The following AGO3 variants were observed in gnomAD, a reference collection of about 807,000 sequenced individuals.
The protein encoded by AGO3 is protein argonaute-3.
AGO3 carries 16 observed loss-of-function variants against 105.5 expected under a neutral mutation model. The ratio of observed to expected loss-of-function variants is 0.15; its 90% CI spans 0.10 to 0.23. AGO3 has a LOEUF of 0.23. AGO3 is among the 10% of genes least tolerant of loss of function. The pLI is 1.00. For missense variants in AGO3, 534 were observed against 1,088.0 expected (o/e 0.49, Z 7.16); for synonymous variants, 340 against 367.3 (o/e 0.93, Z 0.85).
At position 36,071,279 on chromosome 1, in the gene AGO3, A is replaced by G. The variant is rs1395607109; in HGVS notation, c.*15534A>G. The G allele has an allele frequency of 6.6e-6, 1 of 152,232 alleles. No homozygotes were observed. The highest frequency in any genetic ancestry group is 2.4e-5 in the African/African-American group (1 of 41,458). 9.4% of individuals were successfully genotyped at this position (152,232 alleles called of 1,614,324 possible). ...CATTCTTTTAAAAGGGGCTTTTCTG[A>G]AGAGTAAAATGTAAATACAGGACAT... is the stretch of plus-strand genomic sequence containing the variant. On this transcript the variant is annotated 3_prime_UTR_variant, in exon 19 of 19. Transcript: ENST00000373191.
At chr1:36,005,960 C>A in intron 6 of AGO3, 1 of 930,542 alleles carries the variant, frequency 1.1e-6, no homozygotes, top group South Asian at 5.0e-5. Context: ...TTATCTAGTC[C>A]ACTTTTTAAA....
chr1:35,980,272 T>C (rs1647029641), intron 5 of AGO3, among the ~76,000 whole-genome samples: 1 of 152,240 alleles, frequency 6.6e-6, no homozygotes, highest in African/African-American at 2.4e-5. Flanking sequence ...GCTTAAGTTT[T>C]TACTGATTGA....
At chr1:35,995,406 G>T (rs1054224688) in intron 5 of AGO3, among the ~76,000 whole-genome samples, 1 of 151,874 alleles carries the variant, frequency 6.6e-6, no homozygotes, top group African/African-American at 2.4e-5. Flanking sequence ...CAGTGATACT[G>T]GGGTAAAGAT....
intron 1 of AGO3, among the ~76,000 whole-genome samples, chr1:35,942,910 C>T (rs771515634): frequency 6.6e-6 from 1 of 152,152 alleles, no homozygotes; most frequent in Admixed American, 6.6e-5. Flanking sequence ...GGTGACCACA[C>T]GTCTACTTCC....
chr1:36,039,518 A>C (rs1642161258), intron 14 of AGO3, among the ~76,000 whole-genome samples: 1 of 139,816 alleles, frequency 7.2e-6, no homozygotes, highest in South Asian at 2.2e-4. Context: ...AAAAAAAAAG[A>C]GAGAAAGAGA....
intron 11 of AGO3, among the ~76,000 whole-genome samples, chr1:36,020,926 C>CTTTA (rs1035926827): frequency 3.9e-4 from 59 of 151,534 alleles, no homozygotes; most frequent in Middle Eastern, 6.8e-3. Flanking sequence ...CCTGCCATTA[C>CTTTA]TTTATTTATT....
At position 36,010,928 on chromosome 1, in the gene AGO3, A is replaced by AGAGG. The variant is rs1356705108; in HGVS notation, c.1149+1349_1149+1352dup. ...TCAAAAAAAAAAAAAAGAGAGAGAG[A>AGAGG]GAGGGAGGGAGGGAGGGAAAGAAAG... On this transcript the variant is annotated intron_variant, in intron 9 of 18. Coordinates refer to ENST00000373191, the MANE Select transcript of AGO3 (RefSeq NM_024852.4). Among the ~76,000 whole-genome samples, 158 of 138,654 alleles carry AGAGG rather than the reference A, an allele frequency of 1.1e-3. 1 individual carries two copies. Among genetic ancestry groups the AGAGG allele is most frequent in the African/African-American group, 3.7e-3 (144 of 38,856 alleles). 91.0% of individuals were successfully genotyped at this position (138,654 alleles called of 152,430 possible).
intron 6 of AGO3, among the ~76,000 whole-genome samples, chr1:36,005,034 T>C (rs1031531420): frequency 2.0e-5 from 3 of 152,130 alleles, no homozygotes; most frequent in African/African-American, 7.2e-5. Context: ...TGTTGCATCA[T>C]ATGTACATTT....
In AGO3 at chr1:36,053,082, G is replaced by A. The variant is rs573431582; in HGVS notation, c.2275-1864G>A. Among the ~76,000 whole-genome samples, 15 of 152,142 alleles carry A rather than the reference G, an allele frequency of 9.9e-5. No individual in the cohort carries two copies. The South Asian group carries it at 2.9e-3, about 29-fold the overall frequency. ...TGACTGTATTTTAAAAATCACAGAG[G>A]AGAAAGATTCTCTCTTCAAGTTAAG... On this transcript the variant is annotated intron_variant, in intron 17 of 18. Coordinates refer to ENST00000373191, the MANE Select transcript of AGO3 (RefSeq NM_024852.4).
In AGO3 at chr1:36,039,918, A is replaced by G; in HGVS notation, c.1971A>G (p.Ser657=). The G allele has an allele frequency of 6.2e-7, 1 of 1,614,052 alleles. No homozygotes were observed. The highest frequency in any genetic ancestry group is 8.5e-7 in the Non-Finnish European group (1 of 1,180,000). ...AACTTCTTATTCAATTTTATAAGTC[A>G]ACTCGGTTCAAGCCTACTCGTATCA... ...VRELLIQFYK[S]TRFKPTRIIF... Residue 657 remains serine, a synonymous_variant, in exon 15 of 19, where the codon TCA becomes TCG. Transcript: ENST00000373191.
intron 15 of AGO3, 66 bp downstream of exon 15, chr1:36,040,050 A>G (rs1478385993): frequency 6.8e-7 from 1 of 1,467,732 alleles, no homozygotes; most frequent in Non-Finnish European, 9.2e-7. Context: ...TATGGTGTCT[A>G]GTTCTAGAGT....
At chr1:36,028,698 A>G (rs1243559055) in intron 12 of AGO3, among the ~76,000 whole-genome samples, 12 of 151,916 alleles carry the variant, frequency 7.9e-5, no homozygotes, top group African/African-American at 2.2e-4. Context: ...TAATGCCGCA[A>G]TAAACATACG....
rs1251783975 is a variant in AGO3 at position 36,060,454 on chromosome 1, C to G, written c.*4709C>G. ...ACCAGGAATTAGAGACCGTTTGTGA[C>G]TCAAGGAACTTGATGGATCTGTTTA... is the stretch of plus-strand genomic sequence containing the variant. On this transcript the variant is annotated 3_prime_UTR_variant, in exon 19 of 19. Transcript: ENST00000373191. 1 of 152,356 alleles carries G rather than the reference C, an allele frequency of 6.6e-6. No homozygotes were observed. Among genetic ancestry groups the G allele is most frequent in the East Asian group, 1.9e-4 (1 of 5,194 alleles). The allele number at this position is 152,356 out of a possible 1,614,324, so 9.4% of individuals were successfully genotyped here.
intron 2 of AGO3, among the ~76,000 whole-genome samples, chr1:35,965,718 A>G (rs1394438736): frequency 6.6e-6 from 1 of 151,928 alleles, no homozygotes; most frequent in East Asian, 1.9e-4. Context: ...ACTTTGTGCC[A>G]TGTAGAAAAT....
chr1:35,954,380 A>ATCCCTT (rs1309343351), intron 2 of AGO3, among the ~76,000 whole-genome samples: 2 of 152,226 alleles, frequency 1.3e-5, no homozygotes, highest in Non-Finnish European at 2.9e-5. Flanking sequence ...CTAGTACATA[A>ATCCCTT]GGTATTATTA....
intron 17 of AGO3, among the ~76,000 whole-genome samples, chr1:36,050,090 T>A (rs575237621): frequency 1.8e-4 from 27 of 152,292 alleles, no homozygotes. Flanking sequence ...TACAAAGCAT[T>A]TCATCCAGCA....
intron 5 of AGO3, among the ~76,000 whole-genome samples, chr1:35,990,129 T>C (rs1159481444): frequency 6.6e-6 from 1 of 152,162 alleles, no homozygotes; most frequent in Non-Finnish European, 1.5e-5. Flanking sequence ...CTCCAGTGCT[T>C]ATACCTTTAA....
rs571072273 is a variant in AGO3, at chr1:36,056,072, CA to C, written c.*335del. 5.0e-5 allele frequency: 9 copies of C among 181,078 alleles called. No homozygotes were observed. Among genetic ancestry groups the C allele is most frequent in the Non-Finnish European group, 6.9e-5 (6 of 87,582 alleles). The allele number at this position is 181,078 out of a possible 1,614,324, so 11.2% of individuals were successfully genotyped here. ...TTGCTTGGCAGCACAACTATCTTTG[CA>C]AAAAAAAGTAAAGAAAAAGTAAATG... On this transcript the variant is annotated 3_prime_UTR_variant, in exon 19 of 19. Coordinates refer to ENST00000373191, the MANE Select transcript of AGO3 (RefSeq NM_024852.4).
In AGO3 at chr1:36,008,965, A is replaced by G. The variant is rs1440072978; in HGVS notation, c.950A>G (p.Tyr317Cys). The part of the protein sequence containing the change: ...RTVAQYFREK[Y>C]TLQLKYPHLP... ...GTAGCGCAGTATTTCAGAGAAAAGT[A>G]TACTCTTCAGCTGAAGTACCCGCAC... Residue 317 changes from tyrosine (Y) to cysteine (C), a missense_variant, in exon 8 of 19, where the codon TAT (tyrosine) becomes TGT (cysteine). Tyr to Cys is a radical substitution (Grantham distance 194). Around this residue, in one of 2 missense-constraint regions of AGO3, gnomAD observed 373 missense variants for 854.0 expected, o/e 0.44. Transcript: ENST00000373191. This position sits in a 1 kb window ranked among gnomAD's most constrained non-coding sequence, Gnocchi z 5.1. 6.2e-7 allele frequency: 1 copy of G among 1,613,560 alleles called. No individual in the cohort carries two copies. Among genetic ancestry groups the G allele is most frequent in the Non-Finnish European group, 8.5e-7 (1 of 1,179,922 alleles).
Sources: gnomAD v4.1 joint callset for allele counts (sites outside exome capture counted in the v4.1 genomes callset) on GRCh38, gnomAD v4.1.1 for gene constraint, gnomAD v4.1.1 regional missense constraint, Gnocchi (gnomAD v3.1) non-coding constraint, MANE v1.5 for transcripts, NCBI Gene and HGNC (gene_info 2026-07-23, HGNC 2026-07-21) for gene names.